DHX40: variants seen among roughly 807,000 people sequenced by gnomAD.
DHX40 encodes the protein DEAH-box helicase 40, also known as probable ATP-dependent RNA helicase DHX40.
DHX40 carries 28 observed loss-of-function variants against 89.6 expected under a neutral mutation model. That is an observed-to-expected ratio of 0.31 (90% CI 0.23 to 0.43). DHX40 has a LOEUF of 0.43. DHX40 is among the 20% of genes least tolerant of loss of function. DHX40 has a pLI of 1.00. For synonymous variants in DHX40, 226 were observed against 283.6 expected, an observed-to-expected ratio of 0.80 and a Z score of 2.04; for missense variants, 457 against 844.0, an observed-to-expected ratio of 0.54 and a Z score of 5.68.
intron 2 of DHX40, among the ~76,000 whole-genome samples, chr17:59,568,311 A>G (rs2048737396): frequency 1.3e-5 from 2 of 152,224 alleles, no homozygotes; most frequent in African/African-American, 4.8e-5. Flanking sequence ...ACTTTCTGTC[A>G]TAAGGTTTGT....
At position 59,589,940 on chromosome 17, in the gene DHX40, G is replaced by A. The variant is rs534297832; in HGVS notation, c.1582+1887G>A. Among the ~76,000 whole-genome samples the A allele has an allele frequency of 4.9e-4, 74 of 150,870 alleles. 8 individuals carry two copies. Among genetic ancestry groups the A allele is most frequent in the African/African-American group, 1.8e-3 (72 of 40,524 alleles). The stretch of plus-strand genomic sequence containing the variant: ...TTCACCATGTTGGTCAGGCTGGTCT[G>A]GAACTCCTGACCTCAGGTGATCTGC... On this transcript the variant is annotated intron_variant, in intron 12 of 17. Coordinates refer to ENST00000251241, the MANE Select transcript of DHX40 (RefSeq NM_024612.5).
At chr17:59,576,995 G>A (rs949013979) in intron 7 of DHX40, 14 of 382,604 alleles carry the variant, frequency 3.7e-5, no homozygotes, top group Non-Finnish European at 6.0e-5. Flanking sequence ...TCAGCCTCCC[G>A]AGTAGCTGGG....
intron 2 of DHX40, among the ~76,000 whole-genome samples, chr17:59,567,411 A>G (rs1002427087): frequency 6.6e-6 from 1 of 152,186 alleles, no homozygotes; most frequent in African/African-American, 2.4e-5. Flanking sequence ...CAAATCCCCA[A>G]ACAGACCAGT....
intron 6 of DHX40, 86 bp downstream of exon 6, chr17:59,574,340 A>G (rs922161121): frequency 3.0e-5 from 10 of 334,956 alleles, no homozygotes; most frequent in African/African-American, 2.3e-4. Flanking sequence ...TCTGTTGGGA[A>G]TTCTGTGCCC....
At chr17:59,606,045 T>C (rs999806452) in intron 17 of DHX40, among the ~76,000 whole-genome samples, 7 of 152,092 alleles carry the variant, frequency 4.6e-5, no homozygotes, top group African/African-American at 1.7e-4. Context: ...CTTTCTTTCT[T>C]TCTTTTTCTT....
At chr17:59,602,479 T>C (rs753335723) in intron 14 of DHX40, 43 bp from the exon 15 acceptor site, 2 of 1,467,114 alleles carry the variant, frequency 1.4e-6, no homozygotes, top group South Asian at 1.2e-5. Context: ...TTATTTCAAA[T>C]TGTACTATGA....
At chr17:59,593,825 TG>T (rs560873109) in intron 12 of DHX40, among the ~76,000 whole-genome samples, 283 of 151,830 alleles carry the variant, frequency 1.9e-3, no homozygotes, top group African/African-American at 6.5e-3. Flanking sequence ...CTTTAATTCG[TG>T]GATTCTTTCT....
At chr17:59,569,196 C>T (rs771631267) in intron 2 of DHX40, among the ~76,000 whole-genome samples, 17 of 152,040 alleles carry the variant, frequency 1.1e-4, no homozygotes, top group South Asian at 2.1e-4. Flanking sequence ...GGTGTGGTGG[C>T]GCGCACCTGT....
At chr17:59,603,172 T>A (rs904551873) in intron 15 of DHX40, 10 of 152,186 alleles carry the variant, frequency 6.6e-5, no homozygotes, top group African/African-American at 2.4e-4. Flanking sequence ...AAAATAGGAA[T>A]GATCTCTGTG....
intron 14 of DHX40, among the ~76,000 whole-genome samples, chr17:59,602,188 C>G (rs1327235629): frequency 6.6e-6 from 1 of 152,156 alleles, no homozygotes; most frequent in Admixed American, 6.5e-5. Context: ...AGCTTTCTCT[C>G]CCTAACCCAG....
In DHX40 at chr17:59,565,631, C is replaced by G. The variant is rs779615853; in HGVS notation, c.-41C>G. 4 of 1,566,290 alleles carry G rather than the reference C, an allele frequency of 2.6e-6. No individual in the cohort carries two copies. The highest frequency in any genetic ancestry group is 1.7e-6 in the Non-Finnish European group (2 of 1,155,724). Reference sequence around the variant, plus strand: ...CCTCGTCTTTCCCCTCCCATCTCCTCAGATCGGTGGACGTGCTCGCCTCCA... The same window carrying G: ...CCTCGTCTTTCCCCTCCCATCTCCTGAGATCGGTGGACGTGCTCGCCTCCA... On this transcript the variant is annotated 5_prime_UTR_variant, in exon 1 of 18. Coordinates refer to ENST00000251241, the MANE Select transcript of DHX40 (RefSeq NM_024612.5).
intron 2 of DHX40, among the ~76,000 whole-genome samples, chr17:59,567,632 A>G (rs1234089092): frequency 6.6e-6 from 1 of 152,312 alleles, no homozygotes; most frequent in Middle Eastern, 3.4e-3. Context: ...ACAAAAGCCA[A>G]TTAAAAAGTT....
At chr17:59,569,186 G>T (rs1311900197) in intron 2 of DHX40, among the ~76,000 whole-genome samples, 1 of 152,074 alleles carries the variant, frequency 6.6e-6, no homozygotes, top group Non-Finnish European at 1.5e-5. Flanking sequence ...AAATTAGCTG[G>T]GTGTGGTGGC....
chr17:59,566,584 T>C (rs376910348), intron 1 of DHX40, 43 bp from the exon 2 acceptor site: 86 of 1,522,002 alleles, frequency 5.7e-5, no homozygotes, highest in Non-Finnish European at 7.5e-5. Flanking sequence ...GTCAGAGATA[T>C]CTTTACAAGT....
rs376001051 is a variant in DHX40 at position 59,590,653 on chromosome 17, A to G, written c.1582+2600A>G. ...CCTGGCTAATTTTTTGTATTTTTAT[A>G]CAGATGGGGTTTCACTCTGTTGCCC... On this transcript the variant is annotated intron_variant, in intron 12 of 17. Coordinates refer to ENST00000251241, the MANE Select transcript of DHX40 (RefSeq NM_024612.5). Among the ~76,000 whole-genome samples, 11 of 151,220 alleles carry G rather than the reference A, an allele frequency of 7.3e-5. No individual in the cohort carries two copies. The South Asian group carries it at 2.3e-3, about 32-fold the overall frequency.
intron 10 of DHX40, among the ~76,000 whole-genome samples, chr17:59,585,796 A>ATACTTCTCTACTATTAC (rs2048986129): frequency 7.5e-6 from 1 of 133,700 alleles, no homozygotes; most frequent in Admixed American, 7.2e-5. Context: ...TCTACTATTA[A>ATACTTCTCTACTATTAC]TATTTCTCTA....
chr17:59,573,002 G>A (rs1359687672), intron 3 of DHX40, 114 bp from the exon 4 acceptor site: 24 of 1,126,914 alleles, frequency 2.1e-5, no homozygotes, highest in Non-Finnish European at 3.0e-5. Flanking sequence ...CTATTTTTAT[G>A]TACCCTTTTG....
At chr17:59,586,290 G>A in intron 11 of DHX40, 57 bp downstream of exon 11, 2 of 1,310,276 alleles carry the variant, frequency 1.5e-6, no homozygotes, top group Middle Eastern at 1.8e-4. Flanking sequence ...TTTTTAAACA[G>A]GGCTCTAAAT....
At chr17:59,602,899 G>A (rs193141748) in intron 15 of DHX40, among the ~76,000 whole-genome samples, 413 of 152,250 alleles carry the variant, frequency 2.7e-3, no homozygotes, top group Non-Finnish European at 5.0e-3. Flanking sequence ...TTTCAGAGAG[G>A]TGGCCCTGTG....
Sources: gnomAD v4.1 joint callset for allele counts (sites outside exome capture counted in the v4.1 genomes callset) on GRCh38, gnomAD v4.1.1 for gene constraint, MANE v1.5 for transcripts, NCBI Gene and HGNC (gene_info 2026-07-23, HGNC 2026-07-21) for gene names.